DOCK7: variants seen among roughly 807,000 people sequenced by gnomAD.
DOCK7 encodes dedicator of cytokinesis protein 7.
DOCK7 carries 138 observed loss-of-function variants against 271.0 expected under a neutral mutation model. The ratio of observed to expected loss-of-function variants is 0.51; its 90% CI spans 0.44 to 0.59. The LOEUF is 0.59. DOCK7 is among the 20% of genes least tolerant of loss of function. The probability of loss-of-function intolerance (pLI) is 0.00; values close to 1 mark genes in which losing one functional copy is unlikely to be tolerated. For missense variants in DOCK7, 2,066 were observed against 2,592.4 expected, an observed-to-expected ratio of 0.80 and a Z score of 4.41; for synonymous variants, 823 against 876.1, an observed-to-expected ratio of 0.94 and a Z score of 1.07.
chr1:62,532,183 C>T (rs776195034), intron 29 of DOCK7, among the ~76,000 whole-genome samples: 6 of 152,118 alleles, frequency 3.9e-5, no homozygotes, highest in Non-Finnish European at 8.8e-5. Context: ...TAGAGGCAAG[C>T]ACCACCATGC....
At chr1:62,584,045 T>C (rs1647229707) in intron 15 of DOCK7, 1 of 675,948 alleles carries the variant, frequency 1.5e-6, no homozygotes, top group African/African-American at 2.0e-5. Flanking sequence ...TGTATAGCCA[T>C]CTTTACATAT....
chr1:62,619,150 C>T (rs887859025), intron 13 of DOCK7, among the ~76,000 whole-genome samples: 1 of 151,466 alleles, frequency 6.6e-6, no homozygotes. Flanking sequence ...GAAAAAAAAA[C>T]CAGAGGGATC....
In DOCK7 at chr1:62,561,668, G is replaced by C. The variant is rs749074565; in HGVS notation, c.2148C>G (p.His716Gln). 1 of 1,577,648 alleles carries C rather than the reference G, an allele frequency of 6.3e-7. No individual in the cohort carries two copies. The highest frequency in any genetic ancestry group is 8.6e-7 in the Non-Finnish European group (1 of 1,167,304). ...CAACTTCAACATTAAAAACACCTTT[G>C]TGATTATCTACCCATTTCATGCCAG... is the stretch of plus-strand genomic sequence containing the variant. ...PLPGMKWVDN[H>Q]KGVFNVEVVA... Residue 716 changes from histidine to glutamine, a missense_variant, in exon 19 of 50, where the codon CAC (histidine) becomes CAG (glutamine). Around this residue, in one of 2 missense-constraint regions of DOCK7, gnomAD observed 1,414 missense variants for 1,670.4 expected, o/e 0.85. Coordinates refer to ENST00000635253, the MANE Select transcript of DOCK7 (RefSeq NM_001367561.1).
chr1:62,456,968 T>C (rs1413770516), intron 49 of DOCK7, among the ~76,000 whole-genome samples: 1 of 152,226 alleles, frequency 6.6e-6, no homozygotes, highest in African/African-American at 2.4e-5. Context: ...TCTGCAGTTA[T>C]TGTGTCCTTT....
intron 13 of DOCK7, among the ~76,000 whole-genome samples, chr1:62,619,440 TATAG>T (rs1458897532): frequency 6.6e-6 from 1 of 152,208 alleles, no homozygotes; most frequent in Admixed American, 6.5e-5. Context: ...TACCCAACCT[TATAG>T]ATACTGTTTT....
At chr1:62,501,540 G>A (rs1490396109) in intron 37 of DOCK7, among the ~76,000 whole-genome samples, 2 of 152,032 alleles carry the variant, frequency 1.3e-5, no homozygotes, top group African/African-American at 2.4e-5. Flanking sequence ...CAGGGTGGAG[G>A]AGAGAAAAGA....
chr1:62,604,978 C>A (rs1650759337), intron 14 of DOCK7: 3 of 680,010 alleles, frequency 4.4e-6, no homozygotes, highest in African/African-American at 3.6e-5. Context: ...AATCACATAA[C>A]CTTAAAGAAT....
Position 62,526,854 on chromosome 1 carries a change from T to C in DOCK7, c.3936+1297A>G, listed in dbSNP as rs1014896568. On this transcript the variant is annotated intron_variant, in intron 31 of 49. Coordinates refer to ENST00000635253, the MANE Select transcript of DOCK7 (RefSeq NM_001367561.1). Reference sequence around the variant, plus strand: ...CATATAGTAAATAATTTCATTTATATAAAATGTCCAGAATAGGCAATTCTA... The same window carrying C: ...CATATAGTAAATAATTTCATTTATACAAAATGTCCAGAATAGGCAATTCTA... Among the ~76,000 whole-genome samples, 3 of 152,260 alleles carry C rather than the reference T, an allele frequency of 2.0e-5. No homozygotes were observed. The South Asian group carries it at 6.2e-4, about 32-fold the overall frequency.
intron 22 of DOCK7, among the ~76,000 whole-genome samples, chr1:62,551,959 CTT>C (rs1197759124): frequency 6.6e-6 from 1 of 151,764 alleles, no homozygotes; most frequent in Non-Finnish European, 1.5e-5. Flanking sequence ...CTAAATGAGT[CTT>C]AATGTAAATC....
chr1:62,556,694 C>A (rs966322145), intron 20 of DOCK7, among the ~76,000 whole-genome samples: 5 of 152,068 alleles, frequency 3.3e-5, no homozygotes, highest in African/African-American at 1.2e-4. Flanking sequence ...AACTGAACAG[C>A]CACTTTGAGC....
At chr1:62,674,652 T>C in intron 1 of DOCK7, among the ~76,000 whole-genome samples, 1 of 152,204 alleles carries the variant, frequency 6.6e-6, no homozygotes, top group Non-Finnish European at 1.5e-5. Context: ...AATGAACTCT[T>C]ACATTTATGA....
intron 1 of DOCK7, among the ~76,000 whole-genome samples, chr1:62,681,552 A>T (rs909450581): frequency 2.7e-5 from 4 of 148,998 alleles, no homozygotes; most frequent in Non-Finnish European, 4.4e-5. Context: ...AAAAAAAATA[A>T]AATAAAAATA....
rs145548218 is a variant in DOCK7, at chr1:62,455,425, T to C, written c.6412A>G (p.Met2138Val). 85 of 1,613,684 alleles carry C rather than the reference T, an allele frequency of 5.3e-5. No individual in the cohort carries two copies. The highest frequency in any genetic ancestry group is 6.4e-5 in the Non-Finnish European group (76 of 1,179,826). Residue 2138 changes from methionine to valine, a missense_variant, in exon 50 of 50, where the codon ATG becomes GTG. Physicochemically the swap from Met to Val is conservative, Grantham distance 21 (BLOSUM62 1). Transcript: ENST00000635253. ...DSFSRMSLRK[M>V]DL ...CAAGTGCATTCAGTTTAGAGATCCA[T>C]TTTGCGAAGGCTCATTCGACTGAAG... is the stretch of plus-strand genomic sequence containing the variant.
At chr1:62,616,922 T>C (rs562304488) in intron 14 of DOCK7, among the ~76,000 whole-genome samples, 36 of 151,862 alleles carry the variant, frequency 2.4e-4, no homozygotes, top group African/African-American at 8.2e-4. Flanking sequence ...GAAAATGATA[T>C]AGAATTTAGA....
At chr1:62,572,566 T>G (rs1157927311) in intron 18 of DOCK7, among the ~76,000 whole-genome samples, 1 of 152,200 alleles carries the variant, frequency 6.6e-6, no homozygotes, top group East Asian at 1.9e-4. Context: ...AAGATCAAGG[T>G]GCCAGCATGG....
chr1:62,560,015 CAT>C (rs919786837), intron 19 of DOCK7, among the ~76,000 whole-genome samples: 3 of 152,172 alleles, frequency 2.0e-5, no homozygotes, highest in Non-Finnish European at 4.4e-5. Context: ...CAACATTTCA[CAT>C]ATGTTGTTTC....
At chr1:62,455,687 C>G (rs537029216) in intron 49 of DOCK7, among the ~76,000 whole-genome samples, 148 of 152,260 alleles carry the variant, frequency 9.7e-4, no homozygotes, top group African/African-American at 3.5e-3. Context: ...ATTCGTTTGT[C>G]TGACTGATGC....
intron 29 of DOCK7, among the ~76,000 whole-genome samples, chr1:62,535,071 A>G (rs1424262997): frequency 6.6e-6 from 1 of 152,192 alleles, no homozygotes; most frequent in East Asian, 1.9e-4. Flanking sequence ...CCCGGGTGAC[A>G]GAGCAAGACT....
intron 14 of DOCK7, chr1:62,604,875 G>A (rs1571737634): frequency 3.0e-6 from 2 of 666,870 alleles, no homozygotes; most frequent in Non-Finnish European, 2.1e-6. Context: ...AAGTTAATGT[G>A]GTCTAATAAT....
Sources: allele counts gnomAD v4.1 joint callset (sites outside exome capture counted in the v4.1 genomes callset), GRCh38; gene constraint gnomAD v4.1.1; regional missense constraint gnomAD v4.1.1; transcripts MANE v1.5; gene names NCBI Gene and HGNC (gene_info 2026-07-23, HGNC 2026-07-21).